The following AFG2A variants were observed in gnomAD, a reference collection of about 807,000 sequenced individuals.
The protein encoded by AFG2A is AAA ATPase AFG2A, also known as ATPase family gene 2 protein homolog A.
chr4:123,318,704 C>T, the AFG2A span: 1 of 150,558 alleles, frequency 6.6e-6, no homozygotes, highest in Non-Finnish European at 1.5e-5. Flanking sequence ...GTGAGAGGAT[C>T]GCTTGAACTC....
At chr4:123,154,486 C>A in the AFG2A span, among the ~76,000 whole-genome samples, 2 of 152,096 alleles carry the variant, frequency 1.3e-5, no homozygotes, top group African/African-American at 4.8e-5. Context: ...GGTGATACTG[C>A]CCTATACAGG....
At chr4:123,262,764 T>C in the AFG2A span, among the ~76,000 whole-genome samples, 2 of 152,352 alleles carry the variant, frequency 1.3e-5, no homozygotes, top group East Asian at 3.9e-4. Context: ...TGAATAATGT[T>C]TGCAATTTAG....
the AFG2A span, among the ~76,000 whole-genome samples, chr4:123,190,469 A>T: frequency 1.3e-5 from 2 of 152,208 alleles, no homozygotes; most frequent in Non-Finnish European, 2.9e-5. Context: ...AGATGAATAG[A>T]GGACTTTGAA....
At chr4:123,042,867 A>T in the AFG2A span, among the ~76,000 whole-genome samples, 3 of 152,344 alleles carry the variant, frequency 2.0e-5, no homozygotes, top group East Asian at 3.8e-4. Context: ...CTAAATACAC[A>T]ATAAACTTTA....
the AFG2A span, among the ~76,000 whole-genome samples, chr4:122,948,543 T>C: frequency 3.0e-3 from 453 of 152,110 alleles, 2 homozygotes; most frequent in African/African-American, 9.9e-3. Flanking sequence ...GAATCACAAT[T>C]TTCCTTAAAA....
At chr4:122,949,898 T>C in the AFG2A span, among the ~76,000 whole-genome samples, 1 of 152,212 alleles carries the variant, frequency 6.6e-6, no homozygotes, top group Non-Finnish European at 1.5e-5. Flanking sequence ...TTCTAGGCCC[T>C]TCCCCCATGG....
At chr4:123,196,332 A>G in the AFG2A span, among the ~76,000 whole-genome samples, 11 of 151,882 alleles carry the variant, frequency 7.2e-5, no homozygotes, top group African/African-American at 2.7e-4. Context: ...TTAAACATCA[A>G]ATGGTGACTT....
chr4:123,186,151 G>T, the AFG2A span, among the ~76,000 whole-genome samples: 5 of 152,114 alleles, frequency 3.3e-5, no homozygotes, highest in Non-Finnish European at 5.9e-5. Context: ...TCATGATAAG[G>T]ATATAATGAC....
the AFG2A span, among the ~76,000 whole-genome samples, chr4:122,989,240 T>C: frequency 6.6e-6 from 1 of 152,212 alleles, no homozygotes; most frequent in Non-Finnish European, 1.5e-5. Flanking sequence ...TCTTTACAGA[T>C]TGGTTTCTGT....
chr4:123,161,989 G>C, the AFG2A span, among the ~76,000 whole-genome samples: 1 of 151,188 alleles, frequency 6.6e-6, no homozygotes, highest in East Asian at 2.0e-4. Flanking sequence ...AGGGATGAGG[G>C]TCTGCAAGTG....
the AFG2A span, among the ~76,000 whole-genome samples, chr4:123,079,844 G>A: frequency 1.4e-5 from 2 of 147,314 alleles, no homozygotes; most frequent in Non-Finnish European, 3.0e-5. Flanking sequence ...CCGCTTCCTG[G>A]GTTCAAGCGA....
At chr4:123,205,905 C>A in the AFG2A span, among the ~76,000 whole-genome samples, 67 of 152,172 alleles carry the variant, frequency 4.4e-4, no homozygotes, top group Admixed American at 1.9e-3. Flanking sequence ...GCATCCCCTG[C>A]TTAACACTTA....
chr4:123,279,326 C>G, the AFG2A span, among the ~76,000 whole-genome samples: 1 of 152,074 alleles, frequency 6.6e-6, no homozygotes, highest in Non-Finnish European at 1.5e-5. Context: ...AAGGAAATCA[C>G]TTGAACTCAG....
At chr4:123,070,290 A>G in the AFG2A span, among the ~76,000 whole-genome samples, 1 of 152,140 alleles carries the variant, frequency 6.6e-6, no homozygotes, top group Admixed American at 6.5e-5. Flanking sequence ...AATTATTATA[A>G]TGCCCCAAAC....
chr4:123,106,070 T>C, the AFG2A span, among the ~76,000 whole-genome samples: 1 of 152,176 alleles, frequency 6.6e-6, no homozygotes, highest in African/African-American at 2.4e-5. Context: ...TGTTGTCTTT[T>C]TTTTTAGAAA....
the AFG2A span, among the ~76,000 whole-genome samples, chr4:122,967,448 C>G: frequency 1.3e-5 from 2 of 152,090 alleles, no homozygotes; most frequent in Non-Finnish European, 2.9e-5. Flanking sequence ...GTTCTCTCTC[C>G]TCAAGTTTTG....
At chr4:123,075,484 A>C in the AFG2A span, among the ~76,000 whole-genome samples, 1 of 150,954 alleles carries the variant, frequency 6.6e-6, no homozygotes, top group Admixed American at 6.6e-5. Flanking sequence ...TTTTTTAGTA[A>C]AGGCGGGGTT....
At chr4:122,962,429 A>G in the AFG2A span, among the ~76,000 whole-genome samples, 1 of 152,198 alleles carries the variant, frequency 6.6e-6, no homozygotes, top group Non-Finnish European at 1.5e-5. Context: ...CTACTGTGTA[A>G]ATATTATGGA....
At chr4:123,073,262 A>G in the AFG2A span, among the ~76,000 whole-genome samples, 1 of 151,720 alleles carries the variant, frequency 6.6e-6, no homozygotes, top group Non-Finnish European at 1.5e-5. Flanking sequence ...ATGTTAAAAC[A>G]TTTTAGTTTT....
Sources: gnomAD v4.1 joint callset for allele counts (sites outside exome capture counted in the v4.1 genomes callset) on GRCh38, gnomAD v4.1.1 for gene constraint, MANE v1.5 for transcripts, NCBI Gene and HGNC (gene_info 2026-07-23, HGNC 2026-07-21) for gene names.